WWOX: variants seen among roughly 807,000 people sequenced by gnomAD.
WWOX encodes the protein WW domain containing oxidoreductase.
WWOX carries 69 observed loss-of-function variants against 46.2 expected under a neutral mutation model. The observed-to-expected ratio is 1.49, with a 90% CI of 1.23 to 1.82. WWOX has a LOEUF of 1.82. Among genes scored for constraint, WWOX ranks in the 40% most tolerant of loss-of-function variants. The pLI, the probability that WWOX is intolerant of heterozygous loss-of-function variation, is 0.00. For missense variants in WWOX, 919 were observed against 542.6 expected (o/e 1.69, Z -6.89); for synonymous variants, 359 against 202.6 (o/e 1.77, Z -6.56).
intron 8 of WWOX, among the ~76,000 whole-genome samples, chr16:79,114,881 C>G (rs1158975381): frequency 6.6e-6 from 1 of 152,174 alleles, no homozygotes; most frequent in Non-Finnish European, 1.5e-5. Context: ...TGTTGTTGTT[C>G]ATGTTTCCCA....
At chr16:79,106,453 A>T (rs187614548) in intron 8 of WWOX, among the ~76,000 whole-genome samples, 2 of 152,244 alleles carry the variant, frequency 1.3e-5, no homozygotes, top group African/African-American at 4.8e-5. Context: ...TCTGGGATGA[A>T]TCTGGGGACA....
At chr16:78,549,147 C>T (rs1473868039) in intron 8 of WWOX, among the ~76,000 whole-genome samples, 2 of 152,086 alleles carry the variant, frequency 1.3e-5, no homozygotes, top group African/African-American at 2.4e-5. Flanking sequence ...GTACTACATC[C>T]GTAATTGGGA....
intron 6 of WWOX, among the ~76,000 whole-genome samples, chr16:78,395,751 G>T (rs915024995): frequency 4.6e-5 from 6 of 131,836 alleles, no homozygotes; most frequent in Non-Finnish European, 4.5e-5. Context: ...TTTTTGTTTT[G>T]TTTTTTCTTT....
chr16:79,076,659 C>G (rs1435975239), intron 8 of WWOX, among the ~76,000 whole-genome samples: 1 of 152,170 alleles, frequency 6.6e-6, no homozygotes, highest in African/African-American at 2.4e-5. Flanking sequence ...ATGGGAAGAC[C>G]ACAAACTTGA....
rs71380475 is a variant in WWOX at position 78,144,448 on chromosome 16, C to CGTATATATATAT, written c.410-19735_410-19734insGTATATATATAT. ...CCATTACTATATATATATATATATA[C>CGTATATATATAT]ACATATATATATATACACACATATA... On this transcript the variant is annotated intron_variant, in intron 4 of 8. Coordinates refer to ENST00000566780, the MANE Select transcript of WWOX (RefSeq NM_016373.4). Among the ~76,000 whole-genome samples, 104 of 17,572 alleles carry CGTATATATATAT rather than the reference C, an allele frequency of 5.9e-3. 15 individuals carry two copies. Among genetic ancestry groups the CGTATATATATAT allele is most frequent in the Non-Finnish European group, 9.0e-3 (75 of 8,338 alleles). The allele number at this position is 17,572 out of a possible 152,430, so 11.5% of individuals were successfully genotyped here. A position where few individuals can be genotyped will look rare whatever the true frequency, so the allele number is the denominator to read the frequency against.
intron 8 of WWOX, among the ~76,000 whole-genome samples, chr16:79,114,975 G>A (rs1597388218): frequency 6.6e-6 from 1 of 152,176 alleles, no homozygotes; most frequent in Non-Finnish European, 1.5e-5. Flanking sequence ...CAATTAGCTC[G>A]CCCACAGGAA....
intron 8 of WWOX, among the ~76,000 whole-genome samples, chr16:78,579,288 G>C (rs1212179394): frequency 6.6e-6 from 1 of 152,152 alleles, no homozygotes; most frequent in Non-Finnish European, 1.5e-5. Context: ...TTGCAGTAGA[G>C]TGTGACAGCA....
chr16:79,179,252 A>T (rs1360646385), intron 8 of WWOX, among the ~76,000 whole-genome samples: 1 of 152,246 alleles, frequency 6.6e-6, no homozygotes, highest in Non-Finnish European at 1.5e-5. Context: ...TGCTTACTTG[A>T]CTTGGACCAG....
At chr16:78,135,081 A>T (rs2033741462) in intron 4 of WWOX, among the ~76,000 whole-genome samples, 1 of 152,128 alleles carries the variant, frequency 6.6e-6, no homozygotes, top group Admixed American at 6.5e-5. Context: ...GACAAACCTG[A>T]CTCCCACCAT....
intron 8 of WWOX, among the ~76,000 whole-genome samples, chr16:79,010,500 G>GA (rs1317643154): frequency 6.6e-6 from 1 of 152,152 alleles, no homozygotes; most frequent in Non-Finnish European, 1.5e-5. Flanking sequence ...AGGCCCTGGG[G>GA]ATCCCCCAGG....
intron 8 of WWOX, chr16:79,204,052 C>T (rs771037470): frequency 5.9e-5 from 9 of 152,066 alleles, no homozygotes; most frequent in Non-Finnish European, 1.0e-4. Context: ...TGTAGAAGGA[C>T]GACACTATCA....
chr16:79,099,836 C>T (rs962575801), intron 8 of WWOX, among the ~76,000 whole-genome samples: 1 of 152,104 alleles, frequency 6.6e-6, no homozygotes, highest in Admixed American at 6.5e-5. Flanking sequence ...ATCAGAGCAA[C>T]AGCATGAGTA....
At chr16:78,186,914 G>T (rs958632416) in intron 5 of WWOX, among the ~76,000 whole-genome samples, 10 of 152,176 alleles carry the variant, frequency 6.6e-5, no homozygotes, top group African/African-American at 2.4e-4. Context: ...AATCAAGTCT[G>T]GGAAATTGAC....
chr16:78,481,717 C>T (rs1018316986), intron 8 of WWOX, among the ~76,000 whole-genome samples: 12 of 104,092 alleles, frequency 1.2e-4, no homozygotes, highest in African/African-American at 3.9e-4. Context: ...TTGCTCAGGG[C>T]AAGGGAAGTG....
chr16:78,552,878 T>C (rs2044206842), intron 8 of WWOX: 1 of 152,184 alleles, frequency 6.6e-6, no homozygotes, highest in Non-Finnish European at 1.5e-5. Flanking sequence ...GCAAAGATGG[T>C]TTGTTACTCA....
chr16:78,360,638 CTTG>C (rs1597097947), intron 5 of WWOX, among the ~76,000 whole-genome samples: 1 of 44,980 alleles, frequency 2.2e-5, no homozygotes, highest in East Asian at 2.2e-4. Context: ...CCTCTACTTT[CTTG>C]TAATTTTAGC....
intron 8 of WWOX, among the ~76,000 whole-genome samples, chr16:78,712,298 T>C (rs573964003): frequency 4.6e-5 from 7 of 152,170 alleles, no homozygotes; most frequent in Non-Finnish European, 1.0e-4. Context: ...GGTCAAGAGA[T>C]CGAAACCATC....
chr16:78,552,881 G>A (rs746826396), intron 8 of WWOX: 8 of 152,196 alleles, frequency 5.3e-5, no homozygotes, highest in Non-Finnish European at 1.2e-4. Context: ...AAGATGGTTT[G>A]TTACTCACAG....
chr16:78,615,730 T>G (rs976528097), intron 8 of WWOX, among the ~76,000 whole-genome samples: 1 of 151,892 alleles, frequency 6.6e-6, no homozygotes, highest in Non-Finnish European at 1.5e-5. Context: ...GAAGAAATGC[T>G]GTTTTAGGAA....
Sources: allele counts gnomAD v4.1 joint callset (sites outside exome capture counted in the v4.1 genomes callset), GRCh38; gene constraint gnomAD v4.1.1; transcripts MANE v1.5; gene names NCBI Gene and HGNC (gene_info 2026-07-23, HGNC 2026-07-21).